Variants in CMSS1 observed in about 807,000 individuals in gnomAD.
The protein encoded by CMSS1 is cms1 ribosomal small subunit homolog, also known as protein CMSS1.
CMSS1 carries 33 observed loss-of-function variants against 43.5 expected under a neutral mutation model. The ratio of observed to expected loss-of-function variants is 0.76; its 90% CI spans 0.57 to 1.01. CMSS1 has a LOEUF of 1.01. Among genes scored for constraint, CMSS1 ranks in the 50% least tolerant of loss-of-function variants. The probability of loss-of-function intolerance (pLI) is 0.00; values close to 1 mark genes in which losing one functional copy is unlikely to be tolerated. For missense variants in CMSS1, 313 were observed against 326.4 expected (o/e 0.96, Z 0.32); for synonymous variants, 115 against 117.2 (o/e 0.98, Z 0.12).
intron 1 of CMSS1, among the ~76,000 whole-genome samples, chr3:99,876,800 C>A (rs1019071238): frequency 6.6e-6 from 1 of 152,086 alleles, no homozygotes; most frequent in African/African-American, 2.4e-5. Context: ...GAAAGAACTT[C>A]CTCTTTCCCC....
intron 1 of CMSS1, among the ~76,000 whole-genome samples, chr3:100,064,683 T>C (rs1364651447): frequency 6.6e-6 from 1 of 152,244 alleles, no homozygotes; most frequent in South Asian, 2.1e-4. Flanking sequence ...TTCCACTTGC[T>C]GATTTTCTTT....
intron 1 of CMSS1, among the ~76,000 whole-genome samples, chr3:99,825,735 T>A (rs1942523788): frequency 6.6e-6 from 1 of 151,824 alleles, no homozygotes; most frequent in African/African-American, 2.4e-5. Context: ...TAATAATATA[T>A]CATTTTGTGG....
intron 1 of CMSS1, among the ~76,000 whole-genome samples, chr3:99,955,578 A>G (rs891032158): frequency 2.6e-5 from 4 of 152,168 alleles, no homozygotes. Flanking sequence ...CCAAAGCCAG[A>G]CACTTTTTTA....
intron 1 of CMSS1, among the ~76,000 whole-genome samples, chr3:99,971,348 A>AG (rs1211074838): frequency 1.8e-4 from 28 of 151,424 alleles, no homozygotes; most frequent in African/African-American, 2.4e-4. Context: ...AAAAAAAAAA[A>AG]AGAGAATATG....
intron 1 of CMSS1, among the ~76,000 whole-genome samples, chr3:99,971,080 G>A (rs1708801271): frequency 6.6e-6 from 1 of 152,208 alleles, no homozygotes; most frequent in South Asian, 2.1e-4. Context: ...GCTCACGCCT[G>A]TAATCCCAGC....
chr3:99,854,427 G>A (rs1943853584), intron 1 of CMSS1, among the ~76,000 whole-genome samples: 1 of 152,176 alleles, frequency 6.6e-6, no homozygotes, highest in African/African-American at 2.4e-5. Flanking sequence ...ACCTTGAGGT[G>A]CAGAACTCTG....
intron 1 of CMSS1, among the ~76,000 whole-genome samples, chr3:100,084,114 G>A (rs958847626): frequency 2.6e-5 from 4 of 151,892 alleles, no homozygotes; most frequent in Non-Finnish European, 2.9e-5. Context: ...ATAAAGCCTC[G>A]GGCCATGAGA....
chr3:99,990,147 A>G (rs1709470814), intron 1 of CMSS1, among the ~76,000 whole-genome samples: 1 of 152,188 alleles, frequency 6.6e-6, no homozygotes. Context: ...GATACTGCCT[A>G]TGCTCTAGAA....
intron 1 of CMSS1, among the ~76,000 whole-genome samples, chr3:99,893,369 A>G (rs188331651): frequency 9.3e-4 from 141 of 151,942 alleles, no homozygotes; most frequent in South Asian, 4.6e-3. Context: ...GTTTCACTGT[A>G]TTAGCCAGAA....
chr3:100,065,929 G>C (rs1269446311), intron 1 of CMSS1, among the ~76,000 whole-genome samples: 1 of 152,216 alleles, frequency 6.6e-6, no homozygotes, highest in Non-Finnish European at 1.5e-5. Context: ...GGACTTTTCA[G>C]ATATGTAAAG....
chr3:99,848,564 G>C lies in CMSS1; in HGVS notation c.64+30521G>C, dbSNP rs200133385. On this transcript the variant is annotated intron_variant, in intron 1 of 9. Transcript: ENST00000421999. The stretch of plus-strand genomic sequence containing the variant: ...CGCTGAAACTGCCATGATGACTGCC[G>C]GTCTGGGGAGACTCTGAATATCGCA... 228 of 1,613,998 alleles carry C rather than the reference G, an allele frequency of 1.4e-4. No individual in the cohort carries two copies. Among genetic ancestry groups the C allele is most frequent in the Non-Finnish European group, 1.9e-4 (221 of 1,180,006 alleles).
chr3:99,914,802 G>A (rs1237367841), intron 1 of CMSS1, among the ~76,000 whole-genome samples: 1 of 152,176 alleles, frequency 6.6e-6, no homozygotes, highest in Non-Finnish European at 1.5e-5. Context: ...AGTGACAAAG[G>A]AGGAATATAA....
At chr3:99,912,743 C>T (rs1706832336) in intron 1 of CMSS1, among the ~76,000 whole-genome samples, 1 of 152,162 alleles carries the variant, frequency 6.6e-6, no homozygotes, top group Non-Finnish European at 1.5e-5. Context: ...TTTTGTTTAT[C>T]CATGCCTCAG....
chr3:100,109,083 C>A (rs1466841900), intron 1 of CMSS1, among the ~76,000 whole-genome samples: 1 of 122,596 alleles, frequency 8.2e-6, no homozygotes, highest in Non-Finnish European at 1.8e-5. Flanking sequence ...TTTTAACTGT[C>A]TCTTAAAAAA....
chr3:99,845,459 C>T (rs1455862796), intron 1 of CMSS1, among the ~76,000 whole-genome samples: 1 of 152,130 alleles, frequency 6.6e-6, no homozygotes, highest in African/African-American at 2.4e-5. Flanking sequence ...TGTGAGCCCT[C>T]ATGGACCAAA....
At chr3:99,924,982 T>G (rs1008533778) in intron 1 of CMSS1, among the ~76,000 whole-genome samples, 1 of 152,182 alleles carries the variant, frequency 6.6e-6, no homozygotes, top group Non-Finnish European at 1.5e-5. Context: ...CATAACCTCT[T>G]TCTGACACTC....
chr3:100,018,071 G>C (rs1438376343), intron 1 of CMSS1, among the ~76,000 whole-genome samples: 5 of 152,172 alleles, frequency 3.3e-5, no homozygotes, highest in African/African-American at 1.2e-4. Flanking sequence ...GCTCACGCCT[G>C]TAATCTCAGC....
intron 1 of CMSS1, chr3:99,833,254 G>A: frequency 6.2e-7 from 1 of 1,611,428 alleles, no homozygotes. Context: ...CAGAAGAAGT[G>A]GTTCCACCTA....
At chr3:100,168,486 G>C (rs1307602710) in intron 6 of CMSS1, among the ~76,000 whole-genome samples, 4 of 152,102 alleles carry the variant, frequency 2.6e-5, no homozygotes, top group Non-Finnish European at 5.9e-5. Context: ...TTGAGCCCTG[G>C]AGCTTGAGAC....
Sources: gnomAD v4.1 joint callset for allele counts (sites outside exome capture counted in the v4.1 genomes callset) on GRCh38, gnomAD v4.1.1 for gene constraint, MANE v1.5 for transcripts, NCBI Gene and HGNC (gene_info 2026-07-23, HGNC 2026-07-21) for gene names.